DSG1: variants seen among roughly 807,000 people sequenced by gnomAD.
The protein encoded by DSG1 is desmoglein-1.
In DSG1, 39 loss-of-function variants were observed where a neutral mutation model predicts 97.5. The ratio of observed to expected loss-of-function variants is 0.40; its 90% CI spans 0.31 to 0.52. The LOEUF is 0.52. Among genes scored for constraint, DSG1 ranks in the 20% least tolerant of loss-of-function variants. The probability of loss-of-function intolerance (pLI) is 0.53; values close to 1 mark genes in which losing one functional copy is unlikely to be tolerated. For synonymous variants in DSG1, 475 were observed against 443.4 expected (o/e 1.07, Z -0.90); for missense variants, 1,311 against 1,295.4 (o/e 1.01, Z -0.18).
rs529635869 is a variant in DSG1, at chr18:31,353,792, G to A, written c.2101-505G>A. On this transcript the variant is annotated intron_variant, in intron 14 of 14. Coordinates refer to ENST00000257192, the MANE Select transcript of DSG1 (RefSeq NM_001942.4). ...GAAAGGGAACTCCCTGACCCCTTGCGCTTCCCAAGTGAGGCAATGCCTCGC... is the reference window on the plus strand; with the variant it reads ...GAAAGGGAACTCCCTGACCCCTTGCACTTCCCAAGTGAGGCAATGCCTCGC... 1,628 of 169,358 alleles carry A rather than the reference G, an allele frequency of 9.6e-3. 35 individuals are homozygous for A. Among genetic ancestry groups the A allele is most frequent in the African/African-American group, 0.036 (1,509 of 41,510 alleles). The allele number at this position is 169,358 out of a possible 1,614,324, so 10.5% of individuals were successfully genotyped here.
chr18:31,328,104 C>T, intron 3 of DSG1, 85 bp from the exon 4 acceptor site: 1 of 1,441,246 alleles, frequency 6.9e-7, no homozygotes, highest in Non-Finnish European at 9.6e-7. Flanking sequence ...TCATCACATG[C>T]AACAACTCTC....
intron 3 of DSG1, among the ~76,000 whole-genome samples, chr18:31,327,661 C>T (rs979131520): frequency 1.3e-5 from 2 of 152,170 alleles, no homozygotes; most frequent in African/African-American, 4.8e-5. Context: ...CCTTCCTTTT[C>T]TGCTAATACA....
chr18:31,325,892 T>C (rs8091151), intron 1 of DSG1, among the ~76,000 whole-genome samples: 1 of 151,860 alleles, frequency 6.6e-6, no homozygotes, highest in Admixed American at 6.6e-5. Context: ...ATGGAGATAG[T>C]ATTAGTGGTG....
At chr18:31,342,259 C>A (rs967313893) in intron 11 of DSG1, among the ~76,000 whole-genome samples, 16 of 152,134 alleles carry the variant, frequency 1.1e-4, no homozygotes, top group Admixed American at 8.5e-4. Context: ...TTGCGGACTA[C>A]CTCTGGGTAC....
intron 14 of DSG1, among the ~76,000 whole-genome samples, chr18:31,348,476 A>G (rs1219643340): frequency 2.0e-5 from 3 of 151,000 alleles, no homozygotes; most frequent in Non-Finnish European, 2.9e-5. Flanking sequence ...TCCTTTGGGT[A>G]TATACCCAGT....
intron 4 of DSG1, 50 bp from the exon 5 acceptor site, chr18:31,329,842 C>T (rs2071709563): frequency 6.3e-7 from 1 of 1,599,558 alleles, no homozygotes; most frequent in South Asian, 1.1e-5. Flanking sequence ...AAAGTAAGAA[C>T]TTAATAAATC....
chr18:31,341,907 C>T (rs2071791196), intron 11 of DSG1, among the ~76,000 whole-genome samples: 1 of 150,614 alleles, frequency 6.6e-6, no homozygotes, highest in Non-Finnish European at 1.5e-5. Flanking sequence ...TGTTTGTTTT[C>T]TGGGTTTTTT....
chr18:31,329,298 G>A (rs550056421), intron 4 of DSG1, among the ~76,000 whole-genome samples: 1 of 151,824 alleles, frequency 6.6e-6, no homozygotes, highest in African/African-American at 2.4e-5. Flanking sequence ...TTTTGCTCCT[G>A]TTACCTCTTC....
At position 31,358,078 on chromosome 18, in the gene DSG1, A is replaced by G. The variant is rs572436151; in HGVS notation, c.*2732A>G. ...AATTATTTTATAAGTGAATACTATA[A>G]TTAGGATTCAAGCTGAGTTTCAGAT... On this transcript the variant is annotated 3_prime_UTR_variant, in exon 15 of 15. Transcript: ENST00000257192. 1.3e-5 allele frequency among the ~76,000 whole-genome samples: 2 copies of G among 152,156 alleles called. No individual in the cohort carries two copies. Among genetic ancestry groups the G allele is most frequent in the East Asian group, 3.9e-4 (2 of 5,192 alleles).
At chr18:31,325,335 A>G (rs1252469563) in intron 1 of DSG1, among the ~76,000 whole-genome samples, 1 of 152,238 alleles carries the variant, frequency 6.6e-6, no homozygotes, top group Non-Finnish European at 1.5e-5. Flanking sequence ...CTGGCGCTCC[A>G]ATGCAGTAAG....
chr18:31,334,467 A>G (rs2071739882), intron 8 of DSG1, among the ~76,000 whole-genome samples: 1 of 152,144 alleles, frequency 6.6e-6, no homozygotes, highest in African/African-American at 2.4e-5. Context: ...AAAACACTTA[A>G]AAATATATTT....
intron 4 of DSG1, among the ~76,000 whole-genome samples, chr18:31,328,897 G>C (rs1303140043): frequency 6.6e-6 from 1 of 152,074 alleles, no homozygotes; most frequent in Non-Finnish European, 1.5e-5. Flanking sequence ...ATTCTTAAGT[G>C]AATCTCACTC....
chr18:31,323,058 T>C (rs537481622), intron 1 of DSG1, among the ~76,000 whole-genome samples: 1 of 152,226 alleles, frequency 6.6e-6, no homozygotes, highest in South Asian at 2.1e-4. Flanking sequence ...TTCATAGAAT[T>C]TTAGGACTAG....
In DSG1 at chr18:31,344,795, T is replaced by C. The variant is rs149125407; in HGVS notation, c.1891+800T>C. 4.6e-3 allele frequency among the ~76,000 whole-genome samples: 708 copies of C among 152,316 alleles called. 4 individuals are homozygous for C. The highest frequency in any genetic ancestry group is 0.016 in the African/African-American group (680 of 41,568). On this transcript the variant is annotated intron_variant, in intron 13 of 14. Coordinates refer to ENST00000257192, the MANE Select transcript of DSG1 (RefSeq NM_001942.4). ...AAATAACATCTCATATCTGTGAAAA[T>C]AGTTGTATCACATTACTTTTCTCAA...
intron 6 of DSG1, among the ~76,000 whole-genome samples, chr18:31,333,146 T>C (rs1191576112): frequency 1.3e-5 from 2 of 152,162 alleles, no homozygotes; most frequent in Non-Finnish European, 2.9e-5. Context: ...CAAGAATAGA[T>C]ACATCACCAA....
chr18:31,331,352 A>G (rs1010778758), intron 5 of DSG1, among the ~76,000 whole-genome samples: 1 of 152,090 alleles, frequency 6.6e-6, no homozygotes, highest in African/African-American at 2.4e-5. Context: ...AAGTGTTGAG[A>G]AAGTTGGGAA....
chr18:31,330,044 A>T lies in DSG1; in HGVS notation c.517+8A>T. Reference sequence around the variant, plus strand: ...AAGAAAATTCTAATGCAAGTAAGTAATGTAGTGGCTTCCAAATCACTCCTA... The same window carrying T: ...AAGAAAATTCTAATGCAAGTAAGTATTGTAGTGGCTTCCAAATCACTCCTA... On this transcript the variant is annotated splice_region_variant and intron_variant, in intron 5 of 14. Transcript: ENST00000257192. 2 of 1,612,686 alleles carry T rather than the reference A, an allele frequency of 1.2e-6. No homozygotes were observed. Among genetic ancestry groups the T allele is most frequent in the Non-Finnish European group, 1.7e-6 (2 of 1,178,906 alleles).
In DSG1 at chr18:31,336,441, T is replaced by C. The variant is rs749521164; in HGVS notation, c.1093T>C (p.Tyr365His). 1.7e-5 allele frequency: 27 copies of C among 1,613,990 alleles called. No individual in the cohort carries two copies. The highest frequency in any genetic ancestry group is 2.1e-5 in the Non-Finnish European group (25 of 1,179,910). ...AEFHHSIMSQ[Y>H]KLKASAISVT... ...ATTTCATCATTCAATTATGTCTCAA[T>C]ATAAACTGAAAGCATCTGCAATTTC... The change falls in exon 9 of 15, where the codon TAT becomes CAT. Residue 365 changes from tyrosine to histidine, a missense_variant. Physicochemically the swap from Tyr to His is moderately conservative, Grantham distance 83. Around this residue, in one of 3 missense-constraint regions of DSG1, gnomAD observed 1,038 missense variants for 964.6 expected, o/e 1.08. Transcript: ENST00000257192.
intron 6 of DSG1, among the ~76,000 whole-genome samples, chr18:31,332,225 T>C: frequency 6.6e-6 from 1 of 152,186 alleles, no homozygotes; most frequent in Non-Finnish European, 1.5e-5. Context: ...ACTTGCTATA[T>C]GTCCACGTTT....
Sources: allele counts gnomAD v4.1 joint callset (sites outside exome capture counted in the v4.1 genomes callset), GRCh38; gene constraint gnomAD v4.1.1; regional missense constraint gnomAD v4.1.1; transcripts MANE v1.5; gene names NCBI Gene and HGNC (gene_info 2026-07-23, HGNC 2026-07-21).